Variants in BLM observed in about 807,000 individuals in gnomAD.
The protein encoded by BLM is recQ-like DNA helicase BLM.
BLM carries 95 observed loss-of-function variants against 135.3 expected under a neutral mutation model. That is an observed-to-expected ratio of 0.70 (90% CI 0.59 to 0.83). BLM has a LOEUF of 0.83. Ranked by LOEUF, BLM falls within the 40% of genes least tolerant of loss-of-function variation. The pLI, the probability that BLM is intolerant of heterozygous loss-of-function variation, is 0.00. For synonymous variants in BLM, 520 were observed against 589.2 expected (o/e 0.88, Z 1.70); for missense variants, 1,518 against 1,663.9 (o/e 0.91, Z 1.53).
rs60293840 is a variant in BLM, at chr15:90,759,913, TA to T, written c.1088-216del. 0.26 allele frequency: 73,760 copies of T among 280,878 alleles called. 3,673 individuals are homozygous for T. Among genetic ancestry groups the T allele is most frequent in the African/African-American group, 0.34 (12,959 of 38,308 alleles). The allele number at this position is 280,878 out of a possible 1,614,324, so 17.4% of individuals were successfully genotyped here. On this transcript the variant is annotated intron_variant, in intron 5 of 21. Transcript: ENST00000355112. Reference sequence around the variant, plus strand: ...TGAGCCACCGTGCCCAGCCCCACTTTAAAAAAAAAAAAAAAAAAGAAAAAGA... The same window carrying T: ...TGAGCCACCGTGCCCAGCCCCACTTTAAAAAAAAAAAAAAAAAGAAAAAGA...
intron 1 of BLM, among the ~76,000 whole-genome samples, chr15:90,743,220 C>A (rs748589539): frequency 6.6e-6 from 1 of 151,924 alleles, no homozygotes; most frequent in Non-Finnish European, 1.5e-5. Context: ...CTCAAGCCAT[C>A]CCCCTGCCTC....
intron 12 of BLM, among the ~76,000 whole-genome samples, chr15:90,777,900 T>C (rs1896521916): frequency 6.6e-6 from 1 of 152,242 alleles, no homozygotes; most frequent in Admixed American, 6.5e-5. Context: ...TTTTCAAGGG[T>C]CATCCATGTT....
intron 12 of BLM, among the ~76,000 whole-genome samples, chr15:90,781,562 G>A (rs1045015198): frequency 5.9e-5 from 9 of 152,140 alleles, no homozygotes; most frequent in Non-Finnish European, 1.5e-5. Flanking sequence ...GGAGGTAGAG[G>A]TTGCAGTGAG....
intron 5 of BLM, chr15:90,759,930 A>G: frequency 2.7e-6 from 1 of 367,522 alleles, no homozygotes. Flanking sequence ...AAAAAAAAAA[A>G]AGAAAAAGAA....
chr15:90,762,547 G>A, intron 7 of BLM: 3 of 203,788 alleles, frequency 1.5e-5, no homozygotes, highest in South Asian at 1.6e-4. Context: ...TCATGTTTAA[G>A]ATCATAGGAC....
intron 7 of BLM, among the ~76,000 whole-genome samples, chr15:90,761,480 C>T (rs575796935): frequency 2.3e-4 from 35 of 152,206 alleles, no homozygotes; most frequent in African/African-American, 6.3e-4. Flanking sequence ...TATTGTAGTA[C>T]GGCTCTAAAG....
chr15:90,796,671 T>C (rs1387658924), intron 16 of BLM, among the ~76,000 whole-genome samples: 1 of 152,136 alleles, frequency 6.6e-6, no homozygotes, highest in East Asian at 1.9e-4. Flanking sequence ...GCATTAACAG[T>C]CCATTCGAGC....
At chr15:90,747,748 G>A (rs1236505604) in intron 2 of BLM, 3 of 397,214 alleles carry the variant, frequency 7.6e-6, no homozygotes, top group East Asian at 4.5e-5. Context: ...AATTGATCTT[G>A]TAAATTTGGG....
chr15:90,738,482 G>A (rs550922763), intron 1 of BLM, among the ~76,000 whole-genome samples: 1 of 152,210 alleles, frequency 6.6e-6, no homozygotes, highest in Admixed American at 6.5e-5. Flanking sequence ...GCTGAGGTGG[G>A]AGGACCACTT....
At position 90,797,414 on chromosome 15, in the gene BLM, C is replaced by CAAAAA. The variant is rs56369282; in HGVS notation, c.3211-749_3211-745dup. 1.0e-3 allele frequency among the ~76,000 whole-genome samples: 112 copies of CAAAAA among 109,574 alleles called. 2 individuals carry two copies. The highest frequency in any genetic ancestry group is 2.4e-3 in the African/African-American group (57 of 23,384). The allele number at this position is 109,574 out of a possible 152,430, so 71.9% of individuals were successfully genotyped here. On this transcript the variant is annotated intron_variant, in intron 16 of 21. Coordinates refer to ENST00000355112, the MANE Select transcript of BLM (RefSeq NM_000057.4). The stretch of plus-strand genomic sequence containing the variant: ...CTGGGCGACGAGCGAAACTCCATCT[C>CAAAAA]AAAAAAAAAAAAAAAAAAAAAAAAA...
chr15:90,769,059 G>A, intron 10 of BLM, 74 bp from the exon 11 acceptor site: 1 of 1,250,606 alleles, frequency 8.0e-7, no homozygotes. Context: ...AAGTTGTGAT[G>A]GAATTTGAAG....
At chr15:90,771,364 G>A (rs1427824551) in intron 12 of BLM, among the ~76,000 whole-genome samples, 4 of 152,134 alleles carry the variant, frequency 2.6e-5, no homozygotes, top group African/African-American at 9.7e-5. Flanking sequence ...GCGTGCGCCT[G>A]TAATCGCTGC....
At chr15:90,775,828 A>C (rs888964976) in intron 12 of BLM, among the ~76,000 whole-genome samples, 15 of 152,000 alleles carry the variant, frequency 9.9e-5, no homozygotes, top group Non-Finnish European at 2.1e-4. Flanking sequence ...ATTTTGATTG[A>C]GAATGTATCT....
chr15:90,790,605 A>G (rs777672756), intron 14 of BLM, 44 bp from the exon 15 acceptor site: 1 of 1,570,774 alleles, frequency 6.4e-7, no homozygotes, highest in African/African-American at 1.4e-5. Flanking sequence ...TGTTCCTTCA[A>G]GTCTGTGCCT....
At chr15:90,723,025 A>C (rs1596194428) in intron 1 of BLM, among the ~76,000 whole-genome samples, 1 of 152,228 alleles carries the variant, frequency 6.6e-6, no homozygotes, top group East Asian at 1.9e-4. Context: ...TATTTTTAGT[A>C]GAGACGGGGT....
rs770297260 is a variant in BLM, at chr15:90,761,077, A to G, written c.1704A>G (p.Glu568=). 4 of 1,572,542 alleles carry G rather than the reference A, an allele frequency of 2.5e-6. No homozygotes were observed. The highest frequency in any genetic ancestry group is 2.6e-6 in the Non-Finnish European group (3 of 1,163,118). ...ACTTTGATGATGATGATGACTGGGA[A>G]GACATAATGCATAATTTAGCAGCCA... The part of the protein sequence containing the change: ...IDDFDDDDDW[E]DIMHNLAASK... Residue 568 remains glutamate, a synonymous_variant, in exon 7 of 22, where the codon GAA becomes GAG. Coordinates refer to ENST00000355112, the MANE Select transcript of BLM (RefSeq NM_000057.4).
rs182765269 is a variant in BLM, at chr15:90,723,722, G to C, written c.-5+6282G>C. Among the ~76,000 whole-genome samples the C allele has an allele frequency of 1.4e-4, 22 of 152,206 alleles. No homozygotes were observed. The East Asian group carries it at 2.3e-3, about 16-fold the overall frequency. On this transcript the variant is annotated intron_variant, in intron 1 of 21. Coordinates refer to ENST00000355112, the MANE Select transcript of BLM (RefSeq NM_000057.4). The stretch of plus-strand genomic sequence containing the variant: ...AGTTTTACATGTATAGTACCACACA[G>C]CCACAATGTTGTATGGCAGATCTCT...
At chr15:90,729,861 T>C (rs1895019073) in intron 1 of BLM, among the ~76,000 whole-genome samples, 1 of 152,358 alleles carries the variant, frequency 6.6e-6, no homozygotes, top group Non-Finnish European at 1.5e-5. Flanking sequence ...TATTTTTATT[T>C]TTGAGACGAA....
chr15:90,718,126 T>C (rs1894657353), intron 1 of BLM, among the ~76,000 whole-genome samples: 1 of 152,172 alleles, frequency 6.6e-6, no homozygotes, highest in Non-Finnish European at 1.5e-5. Context: ...CGACTTAATA[T>C]ATGCAATAAT....
Sources: gnomAD v4.1 joint callset for allele counts (sites outside exome capture counted in the v4.1 genomes callset) on GRCh38, gnomAD v4.1.1 for gene constraint, MANE v1.5 for transcripts, NCBI Gene and HGNC (gene_info 2026-07-23, HGNC 2026-07-21) for gene names.